The following NSUN6 variants were observed in gnomAD, a reference collection of about 807,000 sequenced individuals.
NSUN6 encodes tRNA (cytosine(72)-C(5))-methyltransferase NSUN6.
In NSUN6, 64 loss-of-function variants were observed where a neutral mutation model predicts 58.0. The ratio of observed to expected loss-of-function variants is 1.10; its 90% CI spans 0.90 to 1.36. The LOEUF (loss-of-function observed/expected upper bound fraction) is 1.36, where lower values mean the gene tolerates loss of function less well. Among genes scored for constraint, NSUN6 ranks in the 40% most tolerant of loss-of-function variants. The pLI, the probability that NSUN6 is intolerant of heterozygous loss-of-function variation, is 0.00. For synonymous variants in NSUN6, 231 were observed against 193.9 expected (o/e 1.19, Z -1.59); for missense variants, 701 against 550.1 (o/e 1.27, Z -2.74).
intron 8 of NSUN6, among the ~76,000 whole-genome samples, chr10:18,578,315 C>A (rs889010226): frequency 6.7e-6 from 1 of 148,764 alleles, no homozygotes; most frequent in East Asian, 2.0e-4. Flanking sequence ...CTCACTGCAA[C>A]CCCCGCCTCC....
chr10:18,627,920 CCTGCCTGCCT>C (rs1328313611), intron 3 of NSUN6, among the ~76,000 whole-genome samples: 19 of 152,248 alleles, frequency 1.2e-4, no homozygotes, highest in African/African-American at 3.9e-4. Flanking sequence ...CTCAAGGAGG[CCTGCCTGCCT>C]CTGTAGGCTC....
intron 3 of NSUN6, among the ~76,000 whole-genome samples, chr10:18,626,384 T>C (rs1289624795): frequency 2.6e-5 from 4 of 151,440 alleles, no homozygotes; most frequent in Admixed American, 2.0e-4. Context: ...AAAACAAAAA[T>C]AAAAAAACAG....
At chr10:18,615,940 C>A (rs2058393354) in intron 4 of NSUN6, among the ~76,000 whole-genome samples, 1 of 151,726 alleles carries the variant, frequency 6.6e-6, no homozygotes, top group African/African-American at 2.4e-5. Context: ...CAGTAATGAT[C>A]CACTAAAACA....
At chr10:18,566,270 TCCATTCCATTCTCCATC>T (rs1327486821) in intron 8 of NSUN6, among the ~76,000 whole-genome samples, 2 of 147,394 alleles carry the variant, frequency 1.4e-5, no homozygotes, top group Admixed American at 6.8e-5. Flanking sequence ...CGTTCTCCAT[TCCATTCCATTCTCCATC>T]CCATTCTATT....
chr10:18,585,561 G>A (rs1221273938), intron 8 of NSUN6, among the ~76,000 whole-genome samples: 8 of 152,126 alleles, frequency 5.3e-5, no homozygotes, highest in Non-Finnish European at 8.8e-5. Flanking sequence ...AGGCAGTGAA[G>A]GACAAATATT....
intron 3 of NSUN6, among the ~76,000 whole-genome samples, chr10:18,638,635 G>T (rs1328956873): frequency 6.6e-6 from 1 of 152,064 alleles, no homozygotes; most frequent in Admixed American, 6.6e-5. Context: ...GATGCCACAG[G>T]TTATAAAAAC....
At chr10:18,631,757 A>G (rs2059038390) in intron 3 of NSUN6, among the ~76,000 whole-genome samples, 1 of 150,968 alleles carries the variant, frequency 6.6e-6, no homozygotes, top group African/African-American at 2.4e-5. Context: ...ATAAAAGAGG[A>G]TACAAACAAA....
At chr10:18,594,856 C>T (rs1308936020) in intron 7 of NSUN6, among the ~76,000 whole-genome samples, 1 of 152,164 alleles carries the variant, frequency 6.6e-6, no homozygotes. Context: ...GGGATTCAGT[C>T]ATGTGATTTG....
At chr10:18,620,219 C>A (rs2058556471) in intron 3 of NSUN6, among the ~76,000 whole-genome samples, 1 of 151,980 alleles carries the variant, frequency 6.6e-6, no homozygotes, top group Admixed American at 6.6e-5. Context: ...TCCTGAGTAG[C>A]TGAGACTACA....
rs1242900591 is a variant in NSUN6 at position 18,548,148 on chromosome 10, G to A, written c.1161C>T (p.Ala387=). ...LAENEEQVAW[A]LTKFPCLQLQ... is the part of the protein sequence containing the mutation. ...GCTGAAGGCAAGGAAATTTTGTCAG[G>A]GCCCAGGCAACCTGTTCTTCATTTT... Residue 387 remains alanine, a synonymous_variant, in exon 10 of 11, where the codon GCC becomes GCT. Transcript: ENST00000377304. 1 of 1,613,790 alleles carries A rather than the reference G, an allele frequency of 6.2e-7. No individual in the cohort carries two copies. The highest frequency in any genetic ancestry group is 1.1e-5 in the South Asian group (1 of 91,054).
At chr10:18,619,927 G>T (rs910304145) in intron 3 of NSUN6, among the ~76,000 whole-genome samples, 1 of 151,660 alleles carries the variant, frequency 6.6e-6, no homozygotes, top group African/African-American at 2.4e-5. Context: ...TTTACTATGT[G>T]CGATGCAATA....
intron 6 of NSUN6, among the ~76,000 whole-genome samples, chr10:18,596,949 C>T (rs1321978990): frequency 1.3e-5 from 2 of 152,154 alleles, no homozygotes; most frequent in Non-Finnish European, 2.9e-5. Flanking sequence ...TCATCTAACT[C>T]TCATTTAAGA....
chr10:18,572,185 CTATT>C (rs921539936), intron 8 of NSUN6, among the ~76,000 whole-genome samples: 1 of 151,644 alleles, frequency 6.6e-6, no homozygotes, highest in Non-Finnish European at 1.5e-5. Flanking sequence ...CCATTCCATT[CTATT>C]GTCTATTCCA....
In NSUN6 at chr10:18,548,226, C is replaced by T; in HGVS notation, c.1083G>A (p.Leu361=). ...QRKLFTAAVQ[L]LKPEGVLVYS... ...AAACCAGCACACCCTCTGGCTTCAG[C>T]AGCTGAACCGCCTAAAGAAAACTGT... Residue 361 remains leucine, a synonymous_variant, in exon 10 of 11, where the codon CTG becomes CTA. Transcript: ENST00000377304. 1.2e-6 allele frequency: 2 copies of T among 1,612,618 alleles called. No individual in the cohort carries two copies. The highest frequency in any genetic ancestry group is 2.2e-5 in the East Asian group (1 of 44,830).
chr10:18,587,826 G>C (rs1359318905), intron 7 of NSUN6, among the ~76,000 whole-genome samples: 1 of 151,856 alleles, frequency 6.6e-6, no homozygotes, highest in Non-Finnish European at 1.5e-5. Flanking sequence ...TGGGCCCTGG[G>C]TTTCAAGCAC....
Position 18,645,352 on chromosome 10 carries a change from T to G in NSUN6, c.232-2797A>C, listed in dbSNP as rs2059516170. Among the ~76,000 whole-genome samples the G allele has an allele frequency of 2.0e-5, 3 of 152,134 alleles. No individual in the cohort carries two copies. In the South Asian group the frequency reaches 6.2e-4, roughly 32 times the overall value. On this transcript the variant is annotated intron_variant, in intron 2 of 10. Transcript: ENST00000377304. ...AATTATATAAAATATTGTATAAAAT[T>G]ACCTTCAGGCTATGTATACAAGGTG... is the stretch of plus-strand genomic sequence containing the variant.
rs532298799 is a variant in NSUN6, at chr10:18,648,371, C to A, written c.231+119G>T. 2.1e-5 allele frequency: 13 copies of A among 605,200 alleles called. No individual in the cohort carries two copies. In the East Asian group the frequency reaches 3.5e-4, roughly 16 times the overall value. The allele number at this position is 605,200 out of a possible 1,614,324, so 37.5% of individuals were successfully genotyped here. A position where few individuals can be genotyped will look rare whatever the true frequency, so the allele number is the denominator to read the frequency against. On this transcript the variant is annotated intron_variant, in intron 2 of 10. Transcript: ENST00000377304. ...CTTTGAAGAATTTACCATTCATGGT[C>A]CTCAATCTCCTTATCTGTAAAACTG... is the stretch of plus-strand genomic sequence containing the variant.
chr10:18,619,816 G>T (rs2058537889), intron 3 of NSUN6, among the ~76,000 whole-genome samples: 1 of 151,990 alleles, frequency 6.6e-6, no homozygotes, highest in Non-Finnish European at 1.5e-5. Flanking sequence ...CTTGATAAAA[G>T]AACTTATTTC....
intron 3 of NSUN6, among the ~76,000 whole-genome samples, chr10:18,622,245 G>C (rs183537966): frequency 6.6e-6 from 1 of 152,256 alleles, no homozygotes; most frequent in East Asian, 1.9e-4. Flanking sequence ...AGACCAAAGA[G>C]CTACCCACTT....
Sources: allele counts gnomAD v4.1 joint callset (sites outside exome capture counted in the v4.1 genomes callset), GRCh38; gene constraint gnomAD v4.1.1; transcripts MANE v1.5; gene names NCBI Gene and HGNC (gene_info 2026-07-23, HGNC 2026-07-21).